Variants in MARCHF1 observed in about 807,000 individuals in gnomAD.
MARCHF1 encodes the protein E3 ubiquitin-protein ligase MARCHF1.
A neutral mutation model predicts 54.2 loss-of-function variants in MARCHF1; 40 were observed. The observed-to-expected ratio is 0.74, with a 90% confidence interval of 0.57 to 0.96. MARCHF1 has a LOEUF of 0.96. Ranked by LOEUF, MARCHF1 falls within the 40% of genes least tolerant of loss-of-function variation. The pLI is 0.00. For missense variants in MARCHF1, 586 were observed against 656.5 expected, an observed-to-expected ratio of 0.89 and a Z score of 1.17; for synonymous variants, 236 against 236.3, an observed-to-expected ratio of 1.00 and a Z score of 0.01.
At chr4:164,198,928 T>C (rs1369883998) in intron 1 of MARCHF1, among the ~76,000 whole-genome samples, 1 of 152,238 alleles carries the variant, frequency 6.6e-6, no homozygotes, top group Non-Finnish European at 1.5e-5. Context: ...GCTAAAATTC[T>C]AGGCAAATAA....
At chr4:164,215,713 G>A (rs1731911359) in intron 1 of MARCHF1, among the ~76,000 whole-genome samples, 1 of 152,172 alleles carries the variant, frequency 6.6e-6, no homozygotes, top group Non-Finnish European at 1.5e-5. Flanking sequence ...AAAAGATTTA[G>A]GAGGGAGAGA....
chr4:163,683,573 A>C (rs1198927695), intron 5 of MARCHF1, among the ~76,000 whole-genome samples: 1 of 152,214 alleles, frequency 6.6e-6, no homozygotes, highest in Non-Finnish European at 1.5e-5. Flanking sequence ...AGAATGAAGA[A>C]AAAAAACTAG....
chr4:164,190,238 A>C, intron 1 of MARCHF1: 3 of 1,302,294 alleles, frequency 2.3e-6, no homozygotes, highest in Non-Finnish European at 3.3e-6. Flanking sequence ...ACAAGAAGGA[A>C]CTGGAAGAAA....
intron 2 of MARCHF1, among the ~76,000 whole-genome samples, chr4:164,042,656 A>C (rs1362356132): frequency 2.0e-5 from 3 of 152,128 alleles, no homozygotes; most frequent in Admixed American, 6.5e-5. Context: ...GCAAAATACA[A>C]TTACCCTTCT....
chr4:164,080,436 T>A (rs529425832), intron 2 of MARCHF1, among the ~76,000 whole-genome samples: 1 of 152,204 alleles, frequency 6.6e-6, no homozygotes, highest in Admixed American at 6.5e-5. Context: ...CAGTTATGTA[T>A]CTTTATTATA....
intron 9 of MARCHF1, among the ~76,000 whole-genome samples, chr4:163,530,998 A>G (rs1738328359): frequency 6.6e-6 from 1 of 151,888 alleles, no homozygotes; most frequent in Admixed American, 6.6e-5. Context: ...ATCAACCATA[A>G]CCTTTCAGAG....
intron 4 of MARCHF1, among the ~76,000 whole-genome samples, chr4:163,733,522 G>T (rs2111334963): frequency 1.3e-5 from 2 of 150,092 alleles, no homozygotes; most frequent in East Asian, 2.0e-4. Context: ...TGTTACATAT[G>T]TATACATGTG....
intron 4 of MARCHF1, among the ~76,000 whole-genome samples, chr4:163,725,099 C>T (rs981191700): frequency 4.6e-5 from 7 of 152,148 alleles, no homozygotes; most frequent in Non-Finnish European, 7.3e-5. Flanking sequence ...GCGTCGCTCA[C>T]GCTGGGAGCT....
chr4:163,805,881 C>A (rs1040986541), intron 4 of MARCHF1, among the ~76,000 whole-genome samples: 1 of 152,174 alleles, frequency 6.6e-6, no homozygotes, highest in African/African-American at 2.4e-5. Flanking sequence ...AAATACTCTA[C>A]CCCAATTTTT....
intron 1 of MARCHF1, among the ~76,000 whole-genome samples, chr4:164,307,236 G>C (rs933564973): frequency 1.3e-5 from 2 of 152,140 alleles, no homozygotes; most frequent in Admixed American, 6.5e-5. Context: ...AAACAGACTT[G>C]TGCTAAGGAA....
intron 4 of MARCHF1, among the ~76,000 whole-genome samples, chr4:163,804,269 G>A (rs761366455): frequency 9.9e-5 from 15 of 152,262 alleles, no homozygotes; most frequent in African/African-American, 3.6e-4. Context: ...TAAAAAGCAA[G>A]CACACCAAAT....
chr4:164,123,903 G>T (rs766461783), intron 1 of MARCHF1, among the ~76,000 whole-genome samples: 6 of 151,870 alleles, frequency 4.0e-5, no homozygotes, highest in Admixed American at 6.6e-5. Context: ...GGACAAATGG[G>T]GTCACATCAA....
At chr4:164,035,633 C>CAAAAAAAAAAAAAAAAAAA (rs34846855) in intron 2 of MARCHF1, among the ~76,000 whole-genome samples, 1 of 144,220 alleles carries the variant, frequency 6.9e-6, no homozygotes. Context: ...ATAAAGAATA[C>CAAAAAAAAAAAAAAAAAAA]AAAAAAAAAA....
At chr4:164,360,275 T>C (rs1730686842) in intron 1 of MARCHF1, among the ~76,000 whole-genome samples, 1 of 152,134 alleles carries the variant, frequency 6.6e-6, no homozygotes, top group Non-Finnish European at 1.5e-5. Context: ...GTGGCTATCT[T>C]GCGAGGTTTC....
At chr4:163,994,836 T>G (rs1436621309) in intron 2 of MARCHF1, among the ~76,000 whole-genome samples, 1 of 150,444 alleles carries the variant, frequency 6.6e-6, no homozygotes, top group African/African-American at 2.4e-5. Context: ...TTTGTCTAGA[T>G]GTAGAGATAC....
At chr4:163,856,086 A>C (rs1331056082) in intron 3 of MARCHF1, among the ~76,000 whole-genome samples, 1 of 152,134 alleles carries the variant, frequency 6.6e-6, no homozygotes, top group Non-Finnish European at 1.5e-5. Context: ...TGCTCCCCCT[A>C]ATCATGTCTT....
At position 163,867,300 on chromosome 4, in the gene MARCHF1, A is replaced by G. The variant is rs1253022117; in HGVS notation, c.-38-13131T>C. Among the ~76,000 whole-genome samples, 3 of 151,922 alleles carry G rather than the reference A, an allele frequency of 2.0e-5. No individual in the cohort carries two copies. The East Asian group carries it at 5.8e-4, about 29-fold the overall frequency. ...ACATAAAGTGATGACAAAAAGAGATAAAGTACTAATGTATTATCAGTTATT... is the reference window on the plus strand; with the variant it reads ...ACATAAAGTGATGACAAAAAGAGATGAAGTACTAATGTATTATCAGTTATT... On this transcript the variant is annotated intron_variant, in intron 3 of 9. Transcript: ENST00000514618.
At chr4:163,750,331 G>A (rs1248824941) in intron 4 of MARCHF1, among the ~76,000 whole-genome samples, 2 of 151,766 alleles carry the variant, frequency 1.3e-5, no homozygotes, top group Non-Finnish European at 2.9e-5. Context: ...CTAACACGGT[G>A]AAACCCCATC....
intron 5 of MARCHF1, among the ~76,000 whole-genome samples, chr4:163,621,427 C>T (rs1741692999): frequency 1.3e-5 from 2 of 152,140 alleles, no homozygotes; most frequent in South Asian, 4.1e-4. Flanking sequence ...GACTGTAACG[C>T]CCATCCAGAG....
Sources: allele counts gnomAD v4.1 joint callset (sites outside exome capture counted in the v4.1 genomes callset), GRCh38; gene constraint gnomAD v4.1.1; transcripts MANE v1.5; gene names NCBI Gene and HGNC (gene_info 2026-07-23, HGNC 2026-07-21).